USP47: variants seen among roughly 807,000 people sequenced by gnomAD.
USP47 encodes the protein ubiquitin specific peptidase 47.
In USP47, 35 loss-of-function variants were observed where a neutral mutation model predicts 165.1. The observed-to-expected ratio is 0.21, with a 90% CI of 0.16 to 0.28. The LOEUF (loss-of-function observed/expected upper bound fraction) is 0.28. USP47 is among the 10% of genes least tolerant of loss of function. The pLI is 1.00. For missense variants in USP47, 1,277 were observed against 1,607.4 expected, an observed-to-expected ratio of 0.79 and a Z score of 3.52; for synonymous variants, 531 against 544.5, an observed-to-expected ratio of 0.98 and a Z score of 0.35.
Position 11,934,847 on chromosome 11 carries a change from A to G in USP47, c.1869+912A>G, listed in dbSNP as rs140001646. ...GTTTTCCCCTTTCCATATAAGCAGTAACAGAATGACTGAAATTAAACAGTC... is the reference window on the plus strand; with the variant it reads ...GTTTTCCCCTTTCCATATAAGCAGTGACAGAATGACTGAAATTAAACAGTC... On this transcript the variant is annotated intron_variant, in intron 16 of 27. Coordinates refer to ENST00000527733, the MANE Select transcript of USP47 (RefSeq NM_001282659.2). Among the ~76,000 whole-genome samples, 625 of 152,266 alleles carry G rather than the reference A, an allele frequency of 4.1e-3. 7 individuals are homozygous for G. The highest frequency in any genetic ancestry group is 0.014 in the African/African-American group (576 of 41,566).
intron 19 of USP47, among the ~76,000 whole-genome samples, chr11:11,941,064 C>T (rs183692429): frequency 5.3e-5 from 8 of 152,038 alleles, no homozygotes; most frequent in African/African-American, 1.7e-4. Context: ...TAATCCTCTT[C>T]TTTTGTCTTG....
At chr11:11,855,981 A>T (rs547649534) in intron 1 of USP47, among the ~76,000 whole-genome samples, 16 of 152,318 alleles carry the variant, frequency 1.1e-4, no homozygotes, top group Admixed American at 2.6e-4. Flanking sequence ...GGCTTTCTCT[A>T]GGGGATTCTG....
intron 1 of USP47, among the ~76,000 whole-genome samples, chr11:11,848,367 G>T (rs1848540683): frequency 6.6e-6 from 1 of 152,294 alleles, no homozygotes; most frequent in South Asian, 2.1e-4. Context: ...GTAGGCAGTT[G>T]TAATACATCA....
Position 11,956,236 on chromosome 11 carries a change from A to G in USP47, c.*61A>G. On this transcript the variant is annotated 3_prime_UTR_variant, in exon 28 of 28. Transcript: ENST00000527733. ...GGTTTTAATTAGATGGTTCACTACC[A>G]CTGGGTAGTGCCATTTTGGCCGGAC... is the stretch of plus-strand genomic sequence containing the variant. 2 of 1,577,704 alleles carry G rather than the reference A, an allele frequency of 1.3e-6. No homozygotes were observed. The highest frequency in any genetic ancestry group is 1.7e-6 in the Non-Finnish European group (2 of 1,152,002).
At chr11:11,931,607 G>T (rs1171662260) in intron 14 of USP47, among the ~76,000 whole-genome samples, 1 of 152,094 alleles carries the variant, frequency 6.6e-6, no homozygotes, top group Non-Finnish European at 1.5e-5. Flanking sequence ...CAATAACTCA[G>T]CCTTCTTTTA....
intron 20 of USP47, 135 bp downstream of exon 20, chr11:11,943,247 C>T (rs1272294513): frequency 1.0e-6 from 1 of 999,884 alleles, no homozygotes; most frequent in African/African-American, 1.6e-5. Flanking sequence ...ATTATTGACG[C>T]AGTTGTAATG....
At chr11:11,877,858 T>C (rs370226001) in intron 1 of USP47, among the ~76,000 whole-genome samples, 3,347 of 79,118 alleles carry the variant, frequency 0.042, 66 homozygotes, top group African/African-American at 0.085. Context: ...TGTGTGTGTG[T>C]GCGCGCGCGC....
chr11:11,952,918 A>G (rs776221681), intron 25 of USP47, 47 bp downstream of exon 25: 1 of 1,288,004 alleles, frequency 7.8e-7, no homozygotes, highest in Non-Finnish European at 1.0e-6. Context: ...GTATATGTAT[A>G]TCATAATATT....
intron 1 of USP47, among the ~76,000 whole-genome samples, chr11:11,857,264 AG>A (rs1379919931): frequency 6.6e-6 from 1 of 152,018 alleles, no homozygotes; most frequent in Non-Finnish European, 1.5e-5. Flanking sequence ...TTATGTGTTT[AG>A]GTATTTTACT....
At chr11:11,888,956 G>T (rs1851343224) in intron 3 of USP47, among the ~76,000 whole-genome samples, 1 of 152,062 alleles carries the variant, frequency 6.6e-6, no homozygotes, top group Non-Finnish European at 1.5e-5. Context: ...AAAAACACAT[G>T]ATTATCTCAA....
chr11:11,849,324 G>A (rs1848601502), intron 1 of USP47, among the ~76,000 whole-genome samples: 2 of 152,182 alleles, frequency 1.3e-5, no homozygotes, highest in Non-Finnish European at 2.9e-5. Context: ...AATTAGCCAA[G>A]TGGTTATCAA....
At position 11,868,034 on chromosome 11, in the gene USP47, G is replaced by A. The variant is rs575672080; in HGVS notation, c.40-12143G>A. 3.3e-5 allele frequency among the ~76,000 whole-genome samples: 5 copies of A among 152,220 alleles called. No individual in the cohort carries two copies. In the East Asian group the frequency reaches 9.6e-4, roughly 29 times the overall value. ...CCTCTTTCAGTCTCTAGGAAGGAGAGGTTGAAAAATAGTAGAATAGACAAT... is the reference window on the plus strand; with the variant it reads ...CCTCTTTCAGTCTCTAGGAAGGAGAAGTTGAAAAATAGTAGAATAGACAAT... On this transcript the variant is annotated intron_variant, in intron 1 of 27. Coordinates refer to ENST00000527733, the MANE Select transcript of USP47 (RefSeq NM_001282659.2).
At chr11:11,903,951 A>G (rs914741154) in intron 7 of USP47, among the ~76,000 whole-genome samples, 2 of 152,120 alleles carry the variant, frequency 1.3e-5, no homozygotes, top group African/African-American at 2.4e-5. Flanking sequence ...AAGAGTATAT[A>G]AGGTAGCTAG....
At chr11:11,895,080 A>C (rs1381247998) in intron 4 of USP47, among the ~76,000 whole-genome samples, 1 of 152,162 alleles carries the variant, frequency 6.6e-6, no homozygotes, top group Non-Finnish European at 1.5e-5. Flanking sequence ...CAGATATTTA[A>C]ATTGTAATTA....
intron 8 of USP47, among the ~76,000 whole-genome samples, chr11:11,910,177 G>A (rs61870730): frequency 0.017 from 2,555 of 152,222 alleles, 33 homozygotes; most frequent in Middle Eastern, 0.034. Flanking sequence ...AAAACCTTGA[G>A]CATTATATGT....
chr11:11,912,377 T>C (rs1436268061), intron 8 of USP47, among the ~76,000 whole-genome samples: 2 of 151,918 alleles, frequency 1.3e-5, no homozygotes, highest in African/African-American at 4.8e-5. Flanking sequence ...GAAAAGGATA[T>C]AACTATAGAT....
At chr11:11,920,065 T>C in intron 8 of USP47, 91 bp from the exon 9 acceptor site, 2 of 967,700 alleles carry the variant, frequency 2.1e-6, no homozygotes, top group Non-Finnish European at 1.4e-6. Flanking sequence ...ATTCTACTTA[T>C]AACTTTTAGT....
chr11:11,923,149 A>G (rs1346418535), intron 11 of USP47, among the ~76,000 whole-genome samples: 1 of 148,970 alleles, frequency 6.7e-6, no homozygotes, highest in African/African-American at 2.5e-5. Context: ...GGGAGACCAT[A>G]CTTTAAACTG....
intron 1 of USP47, among the ~76,000 whole-genome samples, chr11:11,861,740 A>G (rs1218171258): frequency 1.3e-5 from 2 of 152,200 alleles, no homozygotes; most frequent in Non-Finnish European, 2.9e-5. Context: ...AGGTATGAAA[A>G]TAAGTATTTT....
Sources: allele counts gnomAD v4.1 joint callset (sites outside exome capture counted in the v4.1 genomes callset), GRCh38; gene constraint gnomAD v4.1.1; transcripts MANE v1.5; gene names NCBI Gene and HGNC (gene_info 2026-07-23, HGNC 2026-07-21).